Variants in KIF25 observed in about 807,000 individuals in gnomAD.
KIF25 encodes the protein kinesin-like protein KIF25.
Under a neutral mutation model 32.9 loss-of-function variants are expected in KIF25, and 19 were observed. The ratio of observed to expected loss-of-function variants is 0.58; its 90% CI spans 0.40 to 0.85. The LOEUF is 0.85. Ranked by LOEUF, KIF25 falls within the 40% of genes least tolerant of loss-of-function variation. The pLI, the probability that KIF25 is intolerant of heterozygous loss-of-function variation, is 0.00. For synonymous variants in KIF25, 225 were observed against 213.7 expected, an observed-to-expected ratio of 1.05 and a Z score of -0.46; for missense variants, 485 against 507.0, an observed-to-expected ratio of 0.96 and a Z score of 0.42.
intron 9 of KIF25, among the ~76,000 whole-genome samples, chr6:168,039,072 C>T (rs1799078109): frequency 6.6e-6 from 1 of 152,068 alleles, no homozygotes; most frequent in South Asian, 2.1e-4. Context: ...TAAACATACA[C>T]AATTTTCATG....
intron 4 of KIF25, among the ~76,000 whole-genome samples, chr6:168,006,788 C>G (rs898145043): frequency 6.7e-6 from 1 of 149,034 alleles, no homozygotes; most frequent in Non-Finnish European, 1.5e-5. Context: ...CTACAAGGCC[C>G]GTCACCTGAA....
At chr6:168,035,461 C>CGGGGGGGGGCGGGAACGGCGCTGCGG (rs200000338) in intron 8 of KIF25, among the ~76,000 whole-genome samples, 1 of 68,978 alleles carries the variant, frequency 1.4e-5, no homozygotes, top group African/African-American at 7.7e-5. Context: ...AACGGCGCTG[C>CGGGGGGGGGCGGGAACGGCGCTGCGG]GGGGGGGGCG....
At chr6:168,011,574 A>C (rs1245057458) in intron 4 of KIF25, among the ~76,000 whole-genome samples, 1 of 152,126 alleles carries the variant, frequency 6.6e-6, no homozygotes, top group Non-Finnish European at 1.5e-5. Context: ...CTGTTGGTTT[A>C]ATGGACTTAT....
At chr6:168,002,052 T>C (rs1286345561) in intron 2 of KIF25, among the ~76,000 whole-genome samples, 3 of 118,226 alleles carry the variant, frequency 2.5e-5, no homozygotes, top group African/African-American at 9.2e-5. Context: ...ACCTGAGGCA[T>C]GGCCTCGGGC....
At chr6:168,020,390 C>G (rs942964017) in intron 5 of KIF25, among the ~76,000 whole-genome samples, 4 of 151,862 alleles carry the variant, frequency 2.6e-5, no homozygotes, top group Non-Finnish European at 4.4e-5. Flanking sequence ...AATTAATCGC[C>G]AGAGACACAC....
At position 168,014,114 on chromosome 6, in the gene KIF25, C is replaced by G. The variant is rs571743892; in HGVS notation, c.-162-3859C>G. Among the ~76,000 whole-genome samples, 4 of 152,006 alleles carry G rather than the reference C, an allele frequency of 2.6e-5. 1 individual carries two copies. The South Asian group carries it at 8.3e-4, about 32-fold the overall frequency. The stretch of plus-strand genomic sequence containing the variant: ...ATCAGGACTTCGTGTTAACAGGAGC[C>G]CTTGGGACCTTATCAATCCCCTCCT... On this transcript the variant is annotated intron_variant, in intron 4 of 12. Coordinates refer to ENST00000643607, the MANE Select transcript of KIF25 (RefSeq NM_030615.4).
At chr6:168,014,581 T>C (rs902400926) in intron 4 of KIF25, among the ~76,000 whole-genome samples, 1 of 152,230 alleles carries the variant, frequency 6.6e-6, no homozygotes, top group Non-Finnish European at 1.5e-5. Context: ...TTGTATCTCC[T>C]GGCTCCCACG....
intron 5 of KIF25, among the ~76,000 whole-genome samples, chr6:168,027,098 G>C (rs1244954068): frequency 1.3e-5 from 2 of 152,138 alleles, no homozygotes; most frequent in Admixed American, 1.3e-4. Flanking sequence ...GGCAGAGATG[G>C]GGGAGGCCCT....
At chr6:168,002,380 G>A (rs1798520185) in intron 2 of KIF25, among the ~76,000 whole-genome samples, 163 bp from the exon 3 acceptor site, 2 of 152,200 alleles carry the variant, frequency 1.3e-5, no homozygotes, top group African/African-American at 2.4e-5. Flanking sequence ...GAGAAAGACA[G>A]GCAAGTTTCC....
In KIF25 at chr6:168,042,688, G is replaced by T. The variant is rs1193283923; in HGVS notation, c.957G>T (p.Arg319Ser). The change falls in exon 12 of 13, where the codon AGG becomes AGT. Residue 319 changes from arginine (R) to serine (S), a missense_variant. Around this residue, in one of 2 missense-constraint regions of KIF25, gnomAD observed 480 missense variants for 470.3 expected, o/e 1.02. Transcript: ENST00000643607. ...HRGHAPYRNSRLTHLLQDCLG... is the reference protein window; with the variant it reads ...HRGHAPYRNSSLTHLLQDCLG... ...GCCATGCCCCGTACCGGAACAGCAG[G>T]CTCACCCACCTCCTTCAGGACTGCC... 5 of 1,612,830 alleles carry T rather than the reference G, an allele frequency of 3.1e-6. No individual in the cohort carries two copies. Among genetic ancestry groups the T allele is most frequent in the Non-Finnish European group, 2.5e-6 (3 of 1,179,912 alleles).
At chr6:168,041,896 T>C (rs1007766324) in intron 10 of KIF25, 73 bp from the exon 11 acceptor site, 3 of 1,462,794 alleles carry the variant, frequency 2.1e-6, no homozygotes, top group Admixed American at 2.0e-5. Flanking sequence ...TTCTCGGCTC[T>C]GACTGAGGCA....
intron 5 of KIF25, among the ~76,000 whole-genome samples, chr6:168,020,117 G>A (rs1798768839): frequency 7.2e-6 from 1 of 139,542 alleles, no homozygotes; most frequent in South Asian, 2.5e-4. Flanking sequence ...GTGACAGAGT[G>A]AGACTCCATC....
chr6:168,031,909 C>A (rs1326690732), intron 7 of KIF25, among the ~76,000 whole-genome samples: 1 of 152,158 alleles, frequency 6.6e-6, no homozygotes, highest in East Asian at 1.9e-4. Context: ...CCCAGGAGGT[C>A]CTGAGAGCAC....
At chr6:168,015,716 G>T (rs1442026237) in intron 4 of KIF25, among the ~76,000 whole-genome samples, 1 of 152,188 alleles carries the variant, frequency 6.6e-6, no homozygotes, top group Non-Finnish European at 1.5e-5. Context: ...AGTGGGGAGG[G>T]TTTTTGGACA....
chr6:168,041,984 G>A lies in KIF25; in HGVS notation c.662G>A (p.Ser221Asn), dbSNP rs1799126264. 1 of 1,551,830 alleles carries A rather than the reference G, an allele frequency of 6.4e-7. No individual in the cohort carries two copies. The highest frequency in any genetic ancestry group is 8.7e-7 in the Non-Finnish European group (1 of 1,147,204). The stretch of plus-strand genomic sequence containing the variant: ...TCCCTTGCAGCAGACCAAGCCTGCA[G>A]TGCCACCCTCCCCAGGGAGCAAACA... ...CSDSTADQAC[S>N]ATLPREQTEA... is the part of the protein sequence containing the mutation. Residue 221 changes from serine (S) to asparagine (N), a missense_variant, in exon 11 of 13, where the codon AGT (serine) becomes AAT (asparagine). By Grantham distance (46) the Ser-to-Asn change is conservative. Transcript: ENST00000643607.
At chr6:168,009,111 A>G (rs1018719066) in intron 4 of KIF25, among the ~76,000 whole-genome samples, 5 of 152,066 alleles carry the variant, frequency 3.3e-5, no homozygotes, top group Non-Finnish European at 7.4e-5. Flanking sequence ...TTCCAATACC[A>G]TATTGATAAG....
chr6:168,037,206 T>C (rs1161223487), intron 8 of KIF25, among the ~76,000 whole-genome samples: 1 of 152,246 alleles, frequency 6.6e-6, no homozygotes, highest in Non-Finnish European at 1.5e-5. Context: ...TTGCCAATAA[T>C]GATTTTTACC....
At chr6:168,035,441 A>AACGGCGCTGCGGGGCGGGCG (rs1562390528) in intron 8 of KIF25, among the ~76,000 whole-genome samples, 5 of 12,510 alleles carry the variant, frequency 4.0e-4, no homozygotes, top group Non-Finnish European at 5.6e-4. Flanking sequence ...GGCGCGGCGG[A>AACGGCGCTGCGGGGCGGGCG]GGAGGCGGGA....
At chr6:168,022,774 T>C (rs368192984) in intron 5 of KIF25, among the ~76,000 whole-genome samples, 15 of 151,136 alleles carry the variant, frequency 9.9e-5, no homozygotes, top group African/African-American at 3.6e-4. Flanking sequence ...TGTTGTTTTT[T>C]TTTTTTTTTT....
Sources: allele counts gnomAD v4.1 joint callset (sites outside exome capture counted in the v4.1 genomes callset), GRCh38; gene constraint gnomAD v4.1.1; regional missense constraint gnomAD v4.1.1; transcripts MANE v1.5; gene names NCBI Gene and HGNC (gene_info 2026-07-23, HGNC 2026-07-21).